The following TRPM3 variants were observed in gnomAD, a reference collection of about 807,000 sequenced individuals.
TRPM3 encodes the protein transient receptor potential cation channel subfamily M member 3.
In TRPM3, 77 loss-of-function variants were observed where a neutral mutation model predicts 181.2. The observed-to-expected ratio is 0.42, with a 90% CI of 0.35 to 0.51. TRPM3 has a LOEUF of 0.51. TRPM3 is among the 20% of genes least tolerant of loss of function. The pLI is 0.01. For synonymous variants in TRPM3, 745 were observed against 796.4 expected (o/e 0.94, Z 1.09); for missense variants, 1,759 against 2,196.7 (o/e 0.80, Z 3.98).
chr9:71,060,710 G>C (rs1294616715), intron 1 of TRPM3, among the ~76,000 whole-genome samples: 2 of 152,052 alleles, frequency 1.3e-5, no homozygotes, highest in Non-Finnish European at 2.9e-5. Context: ...ATCCATATGG[G>C]ACAGGGCAAG....
chr9:70,612,701 C>A (rs140043697), intron 18 of TRPM3, among the ~76,000 whole-genome samples: 98 of 152,264 alleles, frequency 6.4e-4, no homozygotes, highest in African/African-American at 2.2e-3. Flanking sequence ...TGGAGTAAAT[C>A]TTTCTGATGG....
At chr9:71,063,565 A>G (rs529760550) in intron 1 of TRPM3, among the ~76,000 whole-genome samples, 4 of 152,278 alleles carry the variant, frequency 2.6e-5, no homozygotes, top group Admixed American at 2.6e-4. Context: ...CTATACTGAA[A>G]GATGAGGATT....
chr9:71,026,248 T>A lies in TRPM3; in HGVS notation c.177+94930A>T, dbSNP rs77159913. Among the ~76,000 whole-genome samples, 752 of 152,214 alleles carry A rather than the reference T, an allele frequency of 4.9e-3. 18 individuals carry two copies. In the East Asian group the frequency reaches 0.078, roughly 16 times the overall value. On this transcript the variant is annotated intron_variant, in intron 1 of 25. Coordinates refer to ENST00000677713, the MANE Select transcript of TRPM3 (RefSeq NM_001366145.2). ...GCACTCTGCAGGGCAGTCTTGCGCATCAGATGGGGCAGGTCTGACCTGAGC... is the reference window on the plus strand; with the variant it reads ...GCACTCTGCAGGGCAGTCTTGCGCAACAGATGGGGCAGGTCTGACCTGAGC...
rs142788975 is a variant in TRPM3 at position 71,234,999 on chromosome 9, T to A, written c.183+211654A>T. ...GAGAAGGTAAGTACTAACGTCAAAT[T>A]CCTTCTCATGAACAGCAGTTCTCCC... On this transcript the variant is annotated intron_variant, in intron 1 of 24. Coordinates refer to the TRPM3 transcript ENST00000357533. Among the ~76,000 whole-genome samples, 30 of 152,276 alleles carry A rather than the reference T, an allele frequency of 2.0e-4. No homozygotes were observed. In the East Asian group the frequency reaches 5.6e-3, roughly 28 times the overall value.
In TRPM3 at chr9:70,535,085, A is replaced by T. The variant is rs1016258345; in HGVS notation, c.*868T>A. 4.9e-4 allele frequency: 86 copies of T among 174,672 alleles called. 3 individuals carry two copies. Among genetic ancestry groups the T allele is most frequent in the Non-Finnish European group, 2.1e-4 (18 of 84,380 alleles). 10.8% of individuals were successfully genotyped at this position (174,672 alleles called of 1,614,324 possible). On this transcript the variant is annotated 3_prime_UTR_variant, in exon 26 of 26. Coordinates refer to ENST00000677713, the MANE Select transcript of TRPM3 (RefSeq NM_001366145.2). ...TATTACATATTCAGTGAATGAATTC[A>T]TCCATGACAGGTGAGATACAAAATA...
At chr9:70,993,857 C>T (rs374763051) in intron 1 of TRPM3, among the ~76,000 whole-genome samples, 2 of 149,796 alleles carry the variant, frequency 1.3e-5, no homozygotes, top group Non-Finnish European at 1.5e-5. Flanking sequence ...TGCTGACCAG[C>T]GTTTGGGTAG....
At position 70,616,013 on chromosome 9, in the gene TRPM3, G is replaced by A. The variant is rs781580624; in HGVS notation, c.2421C>T (p.Asp807=). 115 of 1,612,136 alleles carry A rather than the reference G, an allele frequency of 7.1e-5. No individual in the cohort carries two copies. The highest frequency in any genetic ancestry group is 9.5e-5 in the Non-Finnish European group (112 of 1,179,072). Residue 807 remains aspartate (D), a synonymous_variant, in exon 18 of 26, where the codon GAC becomes GAT. Coordinates refer to ENST00000677713, the MANE Select transcript of TRPM3 (RefSeq NM_001366145.2). ...CCTGGGCCTGAGACATATAGGGCATGTCGTCTTTGTTCTTGAACTCCAAGC... is the reference window on the plus strand; with the variant it reads ...CCTGGGCCTGAGACATATAGGGCATATCGTCTTTGTTCTTGAACTCCAAGC... The part of the protein sequence containing the change: ...ILSLEFKNKD[D]MPYMSQAQEI...
intron 1 of TRPM3, among the ~76,000 whole-genome samples, chr9:70,947,202 T>C (rs144558205): frequency 1.6e-4 from 25 of 152,326 alleles, no homozygotes; most frequent in Non-Finnish European, 2.9e-4. Flanking sequence ...ACTTTATCTT[T>C]TTCATTGCAG....
At chr9:71,198,470 C>T (rs11142729) in intron 1 of TRPM3, among the ~76,000 whole-genome samples, 19,336 of 152,056 alleles carry the variant, frequency 0.13, 1,662 homozygotes, top group Non-Finnish European at 0.19. Context: ...GGCAGTATGG[C>T]CATCTTCATG....
intron 8 of TRPM3, among the ~76,000 whole-genome samples, chr9:70,684,571 A>G (rs995093662): frequency 6.6e-6 from 1 of 152,064 alleles, no homozygotes; most frequent in Non-Finnish European, 1.5e-5. Context: ...AATATTAATT[A>G]TATATTTTTC....
chr9:70,566,538 T>C (rs1222347841), intron 22 of TRPM3, among the ~76,000 whole-genome samples: 2 of 152,208 alleles, frequency 1.3e-5, no homozygotes, highest in African/African-American at 4.8e-5. Context: ...GGCGTTATTA[T>C]TTATTGTAAT....
chr9:70,638,063 C>A (rs937604228), intron 11 of TRPM3, among the ~76,000 whole-genome samples: 2 of 152,008 alleles, frequency 1.3e-5, no homozygotes, highest in Non-Finnish European at 2.9e-5. Context: ...GTGATTAGGT[C>A]CTGAGGGTTC....
chr9:70,637,510 A>T (rs981851836), intron 11 of TRPM3, among the ~76,000 whole-genome samples: 2 of 151,670 alleles, frequency 1.3e-5, no homozygotes, highest in Admixed American at 6.6e-5. Context: ...TAATTGATAG[A>T]CCATTCAATG....
At chr9:70,915,067 C>G (rs774272815) in intron 1 of TRPM3, among the ~76,000 whole-genome samples, 6 of 152,300 alleles carry the variant, frequency 3.9e-5, no homozygotes, top group Admixed American at 2.0e-4. Context: ...CCACAAATAT[C>G]AAGGCCATCC....
chr9:70,586,201 T>G (rs2057105486), intron 22 of TRPM3, among the ~76,000 whole-genome samples: 2 of 152,240 alleles, frequency 1.3e-5, no homozygotes, highest in Non-Finnish European at 2.9e-5. Flanking sequence ...TTTCCTGGAC[T>G]GTAAGCTCCT....
intron 1 of TRPM3, among the ~76,000 whole-genome samples, chr9:71,334,547 T>C (rs1404743677): frequency 6.8e-6 from 1 of 147,734 alleles, no homozygotes; most frequent in East Asian, 1.9e-4. Context: ...TTACCCACTC[T>C]CAACATTTCA....
intron 9 of TRPM3, among the ~76,000 whole-genome samples, chr9:70,668,559 G>C (rs2062223407): frequency 6.6e-6 from 1 of 151,758 alleles, no homozygotes; most frequent in African/African-American, 2.4e-5. Flanking sequence ...CAGCTACGCG[G>C]GAGGCTGAGG....
At chr9:71,411,695 G>A (rs1456175626) in intron 1 of TRPM3, among the ~76,000 whole-genome samples, 1 of 152,146 alleles carries the variant, frequency 6.6e-6, no homozygotes, top group East Asian at 1.9e-4. Flanking sequence ...TAGATTCAAT[G>A]CCATCCCCAT....
chr9:70,681,784 C>T (rs1376948774), intron 8 of TRPM3, among the ~76,000 whole-genome samples: 1 of 152,068 alleles, frequency 6.6e-6, no homozygotes, highest in Non-Finnish European at 1.5e-5. Flanking sequence ...AAACACAGAC[C>T]ACTTATAGTT....
Sources: gnomAD v4.1 joint callset for allele counts (sites outside exome capture counted in the v4.1 genomes callset) on GRCh38, gnomAD v4.1.1 for gene constraint, MANE v1.5 for transcripts, NCBI Gene and HGNC (gene_info 2026-07-23, HGNC 2026-07-21) for gene names.